Variants in INO80D observed in about 807,000 individuals in gnomAD.
INO80D encodes INO80 complex subunit D.
INO80D carries 21 observed loss-of-function variants against 87.6 expected under a neutral mutation model. That is an observed-to-expected ratio of 0.24 (90% confidence interval 0.17 to 0.35). INO80D has a LOEUF of 0.35. INO80D is among the 10% of genes least tolerant of loss of function. The probability of loss-of-function intolerance (pLI) is 1.00; values close to 1 mark genes in which losing one functional copy is unlikely to be tolerated. For synonymous variants in INO80D, 440 were observed against 491.0 expected, an observed-to-expected ratio of 0.90 and a Z score of 1.37; for missense variants, 982 against 1,280.7, an observed-to-expected ratio of 0.77 and a Z score of 3.56.
intron 9 of INO80D, among the ~76,000 whole-genome samples, chr2:206,009,218 G>C (rs570457367): frequency 6.6e-6 from 1 of 152,306 alleles, no homozygotes; most frequent in Admixed American, 6.5e-5. Context: ...TGAGGCAGAA[G>C]AATCGCTTGA....
chr2:206,066,669 G>T (rs1286085589), intron 1 of INO80D, among the ~76,000 whole-genome samples: 1 of 151,872 alleles, frequency 6.6e-6, no homozygotes, highest in Admixed American at 6.6e-5. Flanking sequence ...GTTCAGTGTG[G>T]TGGCACACAC....
At position 205,997,103 on chromosome 2, in the gene INO80D, T is replaced by A. The variant is rs951766778; in HGVS notation, c.*7265A>T. On this transcript the variant is annotated 3_prime_UTR_variant, in exon 11 of 11. Coordinates refer to ENST00000403263, the MANE Select transcript of INO80D (RefSeq NM_017759.5). ...TTGCTTTGACATATTTCAAAGTACA[T>A]GATTTTTTAAGTATTAAAAATAAAT... The A allele has an allele frequency of 5.3e-5, 8 of 152,150 alleles. No homozygotes were observed. The highest frequency in any genetic ancestry group is 1.0e-4 in the Non-Finnish European group (7 of 67,986). 9.4% of individuals were successfully genotyped at this position (152,150 alleles called of 1,614,324 possible). A position where few individuals can be genotyped will look rare whatever the true frequency, so the allele number is the denominator to read the frequency against.
chr2:206,028,131 T>C lies in INO80D; in HGVS notation c.1278A>G (p.Arg426=). ...CTAACCTGGTTCGACTGCATGCAGC[T>C]CTCCGCAGTTCTTGTATTAACTGAC... is the stretch of plus-strand genomic sequence containing the variant. ...CTGQLIQELR[R]AACSRTSISR... Residue 426 remains arginine, a synonymous_variant, in exon 6 of 11, where the codon AGA becomes AGG. Coordinates refer to ENST00000403263, the MANE Select transcript of INO80D (RefSeq NM_017759.5). 1.3e-6 allele frequency: 2 copies of C among 1,549,410 alleles called. No homozygotes were observed. The highest frequency in any genetic ancestry group is 1.4e-5 in the African/African-American group (1 of 73,304).
intron 5 of INO80D, among the ~76,000 whole-genome samples, chr2:206,030,880 G>A (rs1688745351): frequency 6.6e-6 from 1 of 152,138 alleles, no homozygotes; most frequent in East Asian, 1.9e-4. Flanking sequence ...GAAGAAGGCA[G>A]TTAAAAAATT....
chr2:206,025,554 T>TATATATATATATAC (rs1559439694), intron 6 of INO80D: 7 of 124,150 alleles, frequency 5.6e-5, no homozygotes, highest in African/African-American at 1.9e-4. Context: ...TATATATATA[T>TATATATATATATAC]ATATATATAT....
At chr2:206,026,929 T>C (rs1052113223) in intron 6 of INO80D, among the ~76,000 whole-genome samples, 7 of 152,138 alleles carry the variant, frequency 4.6e-5, no homozygotes, top group African/African-American at 1.4e-4. Flanking sequence ...GAAATGGCTA[T>C]GGTATACTTT....
chr2:206,007,400 T>C lies in INO80D; in HGVS notation c.1802A>G (p.Asp601Gly). 1 of 1,613,790 alleles carries C rather than the reference T, an allele frequency of 6.2e-7. No individual in the cohort carries two copies. Among genetic ancestry groups the C allele is most frequent in the African/African-American group, 1.3e-5 (1 of 75,040 alleles). Reference sequence around the variant, plus strand: ...GTCAGTGATCTCATTGGCAATGTCATCCGGCAACTCATCAGCACTCAGCTC... The same window carrying C: ...GTCAGTGATCTCATTGGCAATGTCACCCGGCAACTCATCAGCACTCAGCTC... ...TPELSADELP[D>G]DIANEITDIP... The change falls in exon 10 of 11, where the codon GAT becomes GGT. Residue 601 changes from aspartate (D) to glycine (G), a missense_variant. Physicochemically the swap from Asp to Gly is moderately conservative, Grantham distance 94. Transcript: ENST00000403263.
intron 1 of INO80D, among the ~76,000 whole-genome samples, chr2:206,075,820 G>C (rs571605171): frequency 5.3e-4 from 80 of 151,570 alleles, no homozygotes; most frequent in African/African-American, 1.7e-3. Context: ...TTGGGAGGCT[G>C]AGGCAGGCGG....
At position 205,997,129 on chromosome 2, in the gene INO80D, G is replaced by T. The variant is rs928709741; in HGVS notation, c.*7239C>A. ...GATTTTTTAAGTATTAAAAATAAAT[G>T]TCATTGGAACATTTAATACCAACTC... On this transcript the variant is annotated 3_prime_UTR_variant, in exon 11 of 11. Transcript: ENST00000403263. The T allele has an allele frequency of 2.0e-5, 3 of 152,014 alleles. No individual in the cohort carries two copies. The highest frequency in any genetic ancestry group is 7.2e-5 in the African/African-American group (3 of 41,406). The allele number at this position is 152,014 out of a possible 1,614,324, so 9.4% of individuals were successfully genotyped here. A position where few individuals can be genotyped will look rare whatever the true frequency, so the allele number is the denominator to read the frequency against.
rs1687905924 is a variant in INO80D at position 206,001,354 on chromosome 2, C to G, written c.*3014G>C. 6.6e-6 allele frequency: 1 copy of G among 152,150 alleles called. No homozygotes were observed. The highest frequency in any genetic ancestry group is 1.5e-5 in the Non-Finnish European group (1 of 68,028). 9.4% of individuals were successfully genotyped at this position (152,150 alleles called of 1,614,324 possible). On this transcript the variant is annotated 3_prime_UTR_variant, in exon 11 of 11. Transcript: ENST00000403263. ...CTTTGTAAATTAAATCACAGTAACA[C>G]AATCTAACTGGCCTTTATAAATAGT...
chr2:206,035,560 T>G (rs1259696765), intron 5 of INO80D, among the ~76,000 whole-genome samples: 1 of 152,100 alleles, frequency 6.6e-6, no homozygotes, highest in Non-Finnish European at 1.5e-5. Context: ...AACCGGATCC[T>G]CTCACCTTAT....
intron 1 of INO80D, among the ~76,000 whole-genome samples, chr2:206,070,046 T>G (rs1240129549): frequency 6.6e-6 from 1 of 150,696 alleles, no homozygotes; most frequent in African/African-American, 2.4e-5. Context: ...GGCTGAGGCG[T>G]GTAGGCTGCT....
In INO80D at chr2:206,017,741, G is replaced by A; in HGVS notation, c.1481C>T (p.Ser494Phe). ...ATGTGTAATGTCAAAAACTGGCACA[G>A]AGCACTGCTGTCCATCTGCAAACTT... is the stretch of plus-strand genomic sequence containing the variant. ...TAKFADGQQC[S>F]VPVFDITHQT... Residue 494 changes from serine (S) to phenylalanine (F), a missense_variant, in exon 8 of 11, where the codon TCT (serine) becomes TTT (phenylalanine). Physicochemically the swap from Ser to Phe is radical, Grantham distance 155 (BLOSUM62 -2). Transcript: ENST00000403263. 6.2e-7 allele frequency: 1 copy of A among 1,613,556 alleles called. No homozygotes were observed. Among genetic ancestry groups the A allele is most frequent in the East Asian group, 2.2e-5 (1 of 44,858 alleles).
In INO80D at chr2:206,027,112, A is replaced by C. The variant is rs114069387; in HGVS notation, c.1298+999T>G. Among the ~76,000 whole-genome samples the C allele has an allele frequency of 3.2e-3, 482 of 152,238 alleles. 5 individuals are homozygous for C. The highest frequency in any genetic ancestry group is 0.011 in the African/African-American group (460 of 41,568). ...GATTTCAATTTTGCTTTTTAATATA[A>C]ACACATGGCTCACTGGAAAATTTAC... On this transcript the variant is annotated intron_variant, in intron 6 of 10. Transcript: ENST00000403263.
intron 1 of INO80D, among the ~76,000 whole-genome samples, chr2:206,066,248 G>A (rs1207793238): frequency 6.6e-6 from 1 of 151,102 alleles, no homozygotes; most frequent in Non-Finnish European, 1.5e-5. Flanking sequence ...GGAGCGAGAC[G>A]ATGTCTCAAA....
intron 8 of INO80D, among the ~76,000 whole-genome samples, 197 bp downstream of exon 8, chr2:206,017,483 C>T (rs928948664): frequency 2.0e-5 from 3 of 152,088 alleles, no homozygotes; most frequent in African/African-American, 7.2e-5. Context: ...GACATAGGAA[C>T]AAAGAGAGTA....
At chr2:206,038,091 T>A (rs1258305181) in intron 5 of INO80D, among the ~76,000 whole-genome samples, 1 of 152,004 alleles carries the variant, frequency 6.6e-6, no homozygotes, top group Non-Finnish European at 1.5e-5. Flanking sequence ...GGTGACGGGG[T>A]GGAAGAGCGG....
chr2:206,084,240 TAC>T (rs111836331), intron 1 of INO80D, among the ~76,000 whole-genome samples: 18,862 of 134,854 alleles, frequency 0.14, 1,348 homozygotes, highest in Admixed American at 0.25. Flanking sequence ...ATGTTATACA[TAC>T]ACACACACAC....
Position 206,062,086 on chromosome 2 carries a change from A to T in INO80D, c.218+713T>A, listed in dbSNP as rs931277856. Among the ~76,000 whole-genome samples the T allele has an allele frequency of 6.6e-6, 1 of 151,934 alleles. No individual in the cohort carries two copies. Among genetic ancestry groups the T allele is most frequent in the East Asian group, 1.9e-4 (1 of 5,186 alleles). On this transcript the variant is annotated intron_variant, in intron 3 of 10. Coordinates refer to ENST00000403263, the MANE Select transcript of INO80D (RefSeq NM_017759.5). This position sits in a 1 kb window ranked among gnomAD's most constrained non-coding sequence, Gnocchi z 4.6. ...ATAAGACTCCTTTAAAAACAATTCC[A>T]CTCTTTTCTAAATTTAGCGAAGCAT...
Sources: gnomAD v4.1 joint callset for allele counts (sites outside exome capture counted in the v4.1 genomes callset) on GRCh38, gnomAD v4.1.1 for gene constraint, Gnocchi (gnomAD v3.1) non-coding constraint, MANE v1.5 for transcripts, NCBI Gene and HGNC (gene_info 2026-07-23, HGNC 2026-07-21) for gene names.